TTC29: variants seen among roughly 807,000 people sequenced by gnomAD.
TTC29 encodes tetratricopeptide repeat domain 29, also known as tetratricopeptide repeat protein 29.
Under a neutral mutation model 58.1 loss-of-function variants are expected in TTC29, and 49 were observed. That is an observed-to-expected ratio of 0.84 (90% confidence interval 0.67 to 1.07). The LOEUF (loss-of-function observed/expected upper bound fraction) is 1.07. Among genes scored for constraint, TTC29 ranks in the 50% least tolerant of loss-of-function variants. The probability of loss-of-function intolerance (pLI) is 0.00; values close to 1 mark genes in which losing one functional copy is unlikely to be tolerated. For missense variants in TTC29, 582 were observed against 555.6 expected (o/e 1.05, Z -0.48); for synonymous variants, 209 against 196.8 (o/e 1.06, Z -0.52).
intron 8 of TTC29, among the ~76,000 whole-genome samples, chr4:146,835,417 A>C (rs1458688759): frequency 6.6e-6 from 1 of 152,190 alleles, no homozygotes; most frequent in African/African-American, 2.4e-5. Context: ...TCCTAATATC[A>C]AAATATTTAG....
At chr4:146,903,807 T>G in intron 5 of TTC29, 78 bp from the exon 6 acceptor site, 2 of 1,059,062 alleles carry the variant, frequency 1.9e-6, no homozygotes, top group Non-Finnish European at 1.2e-6. Flanking sequence ...CAAACCAATA[T>G]CATGACTTCC....
chr4:146,922,584 C>A (rs2150306238), intron 4 of TTC29, among the ~76,000 whole-genome samples: 1 of 151,772 alleles, frequency 6.6e-6, no homozygotes, highest in Non-Finnish European at 1.5e-5. Context: ...TTAAACCTGA[C>A]AACATTTTTA....
At chr4:146,724,645 C>T (rs1743635749) in intron 11 of TTC29, among the ~76,000 whole-genome samples, 2 of 152,018 alleles carry the variant, frequency 1.3e-5, no homozygotes, top group Admixed American at 6.6e-5. Flanking sequence ...TCCCGAGTAG[C>T]TGGGATTACA....
At chr4:146,878,690 A>G (rs755367404) in intron 6 of TTC29, among the ~76,000 whole-genome samples, 16 of 152,164 alleles carry the variant, frequency 1.1e-4, no homozygotes, top group Non-Finnish European at 2.2e-4. Context: ...GTTAAAAATA[A>G]TGATCAAATT....
intron 4 of TTC29, among the ~76,000 whole-genome samples, chr4:146,923,970 T>C (rs1430449264): frequency 6.7e-6 from 1 of 148,436 alleles, no homozygotes; most frequent in Non-Finnish European, 1.5e-5. Context: ...TATAGGTATA[T>C]GCATACACAC....
intron 11 of TTC29, among the ~76,000 whole-genome samples, chr4:146,762,639 A>G (rs574137987): frequency 7.9e-5 from 12 of 152,034 alleles, no homozygotes; most frequent in African/African-American, 2.6e-4. Context: ...TAGCCTAGTC[A>G]TCTGCCCTTT....
intron 11 of TTC29, among the ~76,000 whole-genome samples, chr4:146,741,036 C>CTA (rs1171042153): frequency 1.3e-5 from 2 of 152,200 alleles, no homozygotes; most frequent in East Asian, 3.8e-4. Context: ...AATCTTATGC[C>CTA]TTAATGATTT....
intron 11 of TTC29, among the ~76,000 whole-genome samples, chr4:146,797,158 G>C (rs1446320188): frequency 6.6e-6 from 1 of 152,188 alleles, no homozygotes; most frequent in Admixed American, 6.5e-5. Context: ...CCCCAGGCTG[G>C]CAGTTGTCTG....
chr4:146,841,810 G>A (rs1263628342), intron 8 of TTC29, among the ~76,000 whole-genome samples: 1 of 152,008 alleles, frequency 6.6e-6, no homozygotes, highest in Non-Finnish European at 1.5e-5. Flanking sequence ...GACTGATGGT[G>A]CCAGGTGACT....
chr4:146,838,063 A>G (rs542190575), intron 8 of TTC29, among the ~76,000 whole-genome samples: 161 of 152,220 alleles, frequency 1.1e-3, no homozygotes, highest in African/African-American at 3.8e-3. Context: ...CAATAGTTTC[A>G]GTGAGTAATG....
intron 8 of TTC29, among the ~76,000 whole-genome samples, chr4:146,841,841 C>T (rs1728870013): frequency 6.6e-6 from 1 of 152,014 alleles, no homozygotes; most frequent in Non-Finnish European, 1.5e-5. Context: ...GGGCCTGTTT[C>T]CTCAGGTACA....
intron 11 of TTC29, among the ~76,000 whole-genome samples, chr4:146,712,026 AATAC>A (rs1742532076): frequency 6.6e-6 from 1 of 151,918 alleles, no homozygotes; most frequent in African/African-American, 2.4e-5. Flanking sequence ...TAAATAAATA[AATAC>A]ATAAATAAAT....
intron 4 of TTC29, among the ~76,000 whole-genome samples, chr4:146,926,474 T>G (rs1734939618): frequency 6.6e-6 from 1 of 152,134 alleles, no homozygotes; most frequent in Admixed American, 6.6e-5. Context: ...TTTTTTTTGT[T>G]TTTTGTTTTT....
chr4:146,801,101 G>A (rs1398707898), intron 11 of TTC29, among the ~76,000 whole-genome samples: 1 of 152,176 alleles, frequency 6.6e-6, no homozygotes, highest in Non-Finnish European at 1.5e-5. Context: ...AGTGGCAGAG[G>A]ACAGGGGAGG....
intron 8 of TTC29, among the ~76,000 whole-genome samples, chr4:146,858,708 C>G (rs1181281024): frequency 6.6e-6 from 1 of 152,154 alleles, no homozygotes; most frequent in Non-Finnish European, 1.5e-5. Flanking sequence ...GACATATATT[C>G]TTCCTTAACT....
chr4:146,855,165 C>T (rs1729759330), intron 8 of TTC29, among the ~76,000 whole-genome samples: 1 of 152,118 alleles, frequency 6.6e-6, no homozygotes, highest in African/African-American at 2.4e-5. Context: ...CATGGTGGCT[C>T]ATGCCTATAA....
At chr4:146,889,022 C>G (rs1175208225) in intron 6 of TTC29, among the ~76,000 whole-genome samples, 3 of 152,202 alleles carry the variant, frequency 2.0e-5, no homozygotes, top group Admixed American at 2.0e-4. Flanking sequence ...GAGTGATGCT[C>G]AAATGTCATT....
At chr4:146,736,555 G>T (rs991890793) in intron 11 of TTC29, among the ~76,000 whole-genome samples, 1 of 152,208 alleles carries the variant, frequency 6.6e-6, no homozygotes, top group Non-Finnish European at 1.5e-5. Flanking sequence ...AGAAGCCAGA[G>T]TGCTGGCAGG....
At chr4:146,845,599 C>T (rs897737121) in intron 8 of TTC29, among the ~76,000 whole-genome samples, 5 of 152,172 alleles carry the variant, frequency 3.3e-5, no homozygotes, top group African/African-American at 1.2e-4. Flanking sequence ...TTTGACCAAA[C>T]AGGTATTGTC....
Sources: allele counts gnomAD v4.1 joint callset (sites outside exome capture counted in the v4.1 genomes callset), GRCh38; gene constraint gnomAD v4.1.1; transcripts MANE v1.5; gene names NCBI Gene and HGNC (gene_info 2026-07-23, HGNC 2026-07-21).